LRRC28: variants seen among roughly 807,000 people sequenced by gnomAD.
LRRC28 encodes the protein leucine-rich repeat-containing protein 28.
LRRC28 carries 39 observed loss-of-function variants against 45.7 expected under a neutral mutation model. The observed-to-expected ratio is 0.85, with a 90% CI of 0.66 to 1.12. The LOEUF (loss-of-function observed/expected upper bound fraction) is 1.12, where lower values mean the gene tolerates loss of function less well. Among genes scored for constraint, LRRC28 ranks in the 50% most tolerant of loss-of-function variants. LRRC28 has a pLI of 0.00. For synonymous variants in LRRC28, 206 were observed against 178.8 expected (o/e 1.15, Z -1.22); for missense variants, 435 against 438.5 (o/e 0.99, Z 0.07).
intron 9 of LRRC28, among the ~76,000 whole-genome samples, chr15:99,381,266 C>T (rs1468775411): frequency 6.6e-6 from 1 of 152,176 alleles, no homozygotes; most frequent in African/African-American, 2.4e-5. Flanking sequence ...TCTCTTCTCA[C>T]TTCATTTCAT....
At chr15:99,322,350 A>G (rs1471483169) in intron 5 of LRRC28, among the ~76,000 whole-genome samples, 1 of 152,068 alleles carries the variant, frequency 6.6e-6, no homozygotes, top group Admixed American at 6.6e-5. Context: ...AAGAAGACCA[A>G]TGGGGAGGCT....
At chr15:99,353,001 G>C (rs1015023668) in intron 7 of LRRC28, among the ~76,000 whole-genome samples, 2 of 152,212 alleles carry the variant, frequency 1.3e-5, no homozygotes, top group Admixed American at 6.5e-5. Context: ...CATGATTCTA[G>C]CAACCAAAAC....
intron 5 of LRRC28, among the ~76,000 whole-genome samples, chr15:99,327,734 C>G (rs1956031162): frequency 6.6e-6 from 1 of 151,782 alleles, no homozygotes; most frequent in South Asian, 2.1e-4. Flanking sequence ...GATATCTACT[C>G]TAATTTTTAT....
rs1958053236 is a variant in LRRC28, at chr15:99,387,333, T to TGTCTCCC, written c.*1231_*1232insGTCTCCC. The TGTCTCCC allele has an allele frequency of 1.3e-5, 2 of 152,106 alleles. No individual in the cohort carries two copies. The highest frequency in any genetic ancestry group is 4.1e-4 in the South Asian group (2 of 4,826). 9.4% of individuals were successfully genotyped at this position (152,106 alleles called of 1,614,324 possible). ...CCTCGGCCTCCCAAAGTGCTGGGAT[T>TGTCTCCC]ACAGGCGTGAGCCACCGCGCCCGGC... On this transcript the variant is annotated 3_prime_UTR_variant, in exon 10 of 10. Transcript: ENST00000301981.
intron 9 of LRRC28, chr15:99,384,283 T>C (rs900362493): frequency 6.6e-6 from 1 of 152,204 alleles, no homozygotes; most frequent in Non-Finnish European, 1.5e-5. Context: ...GTTTCTGATA[T>C]GAAGAAATGT....
chr15:99,300,689 G>A lies in LRRC28; in HGVS notation c.385+12738G>A, dbSNP rs1036372000. Among the ~76,000 whole-genome samples, 4 of 152,150 alleles carry A rather than the reference G, an allele frequency of 2.6e-5. No homozygotes were observed. In the South Asian group the frequency reaches 6.2e-4, roughly 24 times the overall value. ...AAAAATACAAAAATTAGCTGGATGTGATGGTGTGCACCTGTAATCCCAGCC... is the reference window on the plus strand; with the variant it reads ...AAAAATACAAAAATTAGCTGGATGTAATGGTGTGCACCTGTAATCCCAGCC... On this transcript the variant is annotated intron_variant, in intron 5 of 9. Coordinates refer to ENST00000301981, the MANE Select transcript of LRRC28 (RefSeq NM_144598.5).
chr15:99,352,352 T>C lies in LRRC28; in HGVS notation c.593-17T>C. ...TGCCTGTATATAGGAATTACAGCAC[T>C]TTTCTTTCTAATCCAGATTTAGGTC... On this transcript the variant is annotated splice_polypyrimidine_tract_variant and intron_variant, in intron 6 of 9. Coordinates refer to ENST00000301981, the MANE Select transcript of LRRC28 (RefSeq NM_144598.5). 6.3e-7 allele frequency: 1 copy of C among 1,578,550 alleles called. No individual in the cohort carries two copies. Among genetic ancestry groups the C allele is most frequent in the Non-Finnish European group, 8.7e-7 (1 of 1,149,798 alleles).
chr15:99,386,369 T>C lies in LRRC28; in HGVS notation c.*267T>C. On this transcript the variant is annotated 3_prime_UTR_variant, in exon 10 of 10. Transcript: ENST00000301981. ...CAGAAACCATTTAGATTGATGGGCC[T>C]CCCCAAATCTAATTTAAAGCAAGTT... 1 of 356,680 alleles carries C rather than the reference T, an allele frequency of 2.8e-6. No individual in the cohort carries two copies. Among genetic ancestry groups the C allele is most frequent in the Non-Finnish European group, 5.1e-6 (1 of 197,570 alleles). 22.1% of individuals were successfully genotyped at this position (356,680 alleles called of 1,614,324 possible).
At chr15:99,316,006 A>T (rs1056481127) in intron 5 of LRRC28, among the ~76,000 whole-genome samples, 4 of 152,240 alleles carry the variant, frequency 2.6e-5, no homozygotes, top group Admixed American at 6.5e-5. Flanking sequence ...CATACATTTT[A>T]AAAAGTTGAG....
chr15:99,377,017 G>C lies in LRRC28; in HGVS notation c.1032-9013G>C, dbSNP rs188133135. 1.1e-4 allele frequency among the ~76,000 whole-genome samples: 17 copies of C among 152,294 alleles called. No homozygotes were observed. In the East Asian group the frequency reaches 3.3e-3, roughly 29 times the overall value. On this transcript the variant is annotated intron_variant, in intron 9 of 9. Coordinates refer to ENST00000301981, the MANE Select transcript of LRRC28 (RefSeq NM_144598.5). ...CCGCAATAAACATACGTGTGCATTT[G>C]TCTTTATAGCAGCTTGATTTATAAT... is the stretch of plus-strand genomic sequence containing the variant.
At chr15:99,258,054 T>C in intron 2 of LRRC28, 2 of 1,392,680 alleles carry the variant, frequency 1.4e-6, no homozygotes, top group East Asian at 2.3e-5. Context: ...AAGAACCTAC[T>C]GCATGTCACA....
intron 7 of LRRC28, among the ~76,000 whole-genome samples, chr15:99,359,811 TA>T (rs1957148791): frequency 6.6e-6 from 1 of 152,230 alleles, no homozygotes; most frequent in African/African-American, 2.4e-5. Flanking sequence ...TTGATTGGCA[TA>T]AAAGATTATG....
intron 2 of LRRC28, chr15:99,257,953 TTTAG>T: frequency 1.3e-6 from 1 of 784,808 alleles, no homozygotes; most frequent in East Asian, 2.4e-5. Context: ...ATTCTGACGC[TTTAG>T]TTAAGATAAG....
At chr15:99,352,676 A>C in intron 7 of LRRC28, 1 of 541,180 alleles carries the variant, frequency 1.8e-6, no homozygotes, top group Non-Finnish European at 3.3e-6. Flanking sequence ...ATCCATGTAT[A>C]CCTTTTTTTA....
At chr15:99,353,135 G>GT (rs1465110095) in intron 7 of LRRC28, among the ~76,000 whole-genome samples, 1 of 152,156 alleles carries the variant, frequency 6.6e-6, no homozygotes, top group Admixed American at 6.5e-5. Flanking sequence ...ACCCTAAAGT[G>GT]TTTCCCTGAG....
At chr15:99,263,783 A>C (rs907952252) in intron 2 of LRRC28, among the ~76,000 whole-genome samples, 2 of 152,224 alleles carry the variant, frequency 1.3e-5, no homozygotes, top group African/African-American at 4.8e-5. Context: ...TCATTCAATC[A>C]GTGTGTATTT....
intron 5 of LRRC28, among the ~76,000 whole-genome samples, chr15:99,292,703 A>G (rs1475050664): frequency 6.6e-6 from 1 of 152,240 alleles, no homozygotes; most frequent in Non-Finnish European, 1.5e-5. Context: ...TCTGGGTTCT[A>G]CACGGGTATG....
chr15:99,292,107 C>G (rs945929909), intron 5 of LRRC28, among the ~76,000 whole-genome samples: 6 of 152,176 alleles, frequency 3.9e-5, no homozygotes, highest in Admixed American at 1.3e-4. Flanking sequence ...TCCTGCTGCT[C>G]CATCCTTGGC....
chr15:99,357,711 A>C (rs923477137), intron 7 of LRRC28, among the ~76,000 whole-genome samples: 1 of 152,130 alleles, frequency 6.6e-6, no homozygotes, highest in Non-Finnish European at 1.5e-5. Context: ...TAATGTTTTA[A>C]ATATTTTAAA....
Sources: allele counts gnomAD v4.1 joint callset (sites outside exome capture counted in the v4.1 genomes callset), GRCh38; gene constraint gnomAD v4.1.1; transcripts MANE v1.5; gene names NCBI Gene and HGNC (gene_info 2026-07-23, HGNC 2026-07-21).